ITGAE: variants seen among roughly 807,000 people sequenced by gnomAD.
ITGAE encodes the protein integrin alpha-E.
A neutral mutation model predicts 136.5 loss-of-function variants in ITGAE; 99 were observed. The ratio of observed to expected loss-of-function variants is 0.73; its 90% confidence interval spans 0.62 to 0.86. The LOEUF (loss-of-function observed/expected upper bound fraction) is 0.86, where lower values mean the gene tolerates loss of function less well. ITGAE is among the 40% of genes least tolerant of loss of function. The probability of loss-of-function intolerance (pLI) is 0.00; values close to 1 mark genes in which losing one functional copy is unlikely to be tolerated. For missense variants in ITGAE, 1,447 were observed against 1,515.3 expected, an observed-to-expected ratio of 0.95 and a Z score of 0.75; for synonymous variants, 613 against 591.8, an observed-to-expected ratio of 1.04 and a Z score of -0.52.
At chr17:3,786,667 G>A (rs1267050378) in intron 1 of ITGAE, among the ~76,000 whole-genome samples, 4 of 152,088 alleles carry the variant, frequency 2.6e-5, no homozygotes, top group African/African-American at 7.2e-5. Flanking sequence ...CAAGGCCAGC[G>A]GATCACGAGG....
intron 1 of ITGAE, among the ~76,000 whole-genome samples, chr17:3,783,165 G>A (rs963406650): frequency 6.6e-6 from 1 of 151,996 alleles, no homozygotes; most frequent in African/African-American, 2.4e-5. Context: ...TTTTGAGATG[G>A]AGTCTCACTC....
rs775990702 is a variant in ITGAE, at chr17:3,732,466, G to C, written c.2656C>G (p.Pro886Ala). The C allele has an allele frequency of 6.2e-7, 1 of 1,612,712 alleles. No homozygotes were observed. The highest frequency in any genetic ancestry group is 1.1e-5 in the South Asian group (1 of 91,056). ...TCACACTGAATGTTTGGAGAGGGAG[G>C]CTGTTAAAAGAGCAGATGACATTCT... ...RNLQLKRMQK[P>A]PSPNIQCDDP... Residue 886 changes from proline to alanine, a missense_variant and splice_region_variant, in exon 22 of 31, where the codon CCT becomes GCT. Transcript: ENST00000263087.
Position 3,799,402 on chromosome 17 carries a change from A to G in ITGAE, c.34+1709T>C, listed in dbSNP as rs2053196386. ...CTCTCTGCTGCCCATCAGCTTGGGA[A>G]GGGCCTAGGCCTCAAAAGAGGTTTG... On this transcript the variant is annotated intron_variant, in intron 1 of 30. Transcript: ENST00000263087. The surrounding 1 kb of genome is among the most constrained non-coding windows in gnomAD (Gnocchi z 4.1). 1.3e-5 allele frequency among the ~76,000 whole-genome samples: 2 copies of G among 152,126 alleles called. No individual in the cohort carries two copies. The highest frequency in any genetic ancestry group is 1.3e-4 in the Admixed American group (2 of 15,258).
chr17:3,790,526 ACAC>A (rs1567561007), intron 1 of ITGAE, among the ~76,000 whole-genome samples: 14 of 151,552 alleles, frequency 9.2e-5, no homozygotes, highest in African/African-American at 2.7e-4. Context: ...ACACACACAC[ACAC>A]ACAAAAGAAA....
Position 3,761,486 on chromosome 17 carries a change from C to G in ITGAE, c.350G>C (p.Ser117Thr), listed in dbSNP as rs975168366. The G allele has an allele frequency of 1.2e-6, 2 of 1,613,864 alleles. No individual in the cohort carries two copies. Among genetic ancestry groups the G allele is most frequent in the Non-Finnish European group, 1.7e-6 (2 of 1,179,988 alleles). ...GGTGCCTGTGAGTTCTGAGCTGAGG[C>G]TGTGAGGCCGCCGGACCAGCACTTG... ...CIQVLVRRPH[S>T]LSSELTGTCS... is the part of the protein sequence containing the mutation. The change falls in exon 5 of 31, where the codon AGC (serine) becomes ACC (threonine). Residue 117 changes from serine (S) to threonine (T), a missense_variant. By Grantham distance (58) the Ser-to-Thr change is moderately conservative (BLOSUM62 1). Around this residue, in one of 3 missense-constraint regions of ITGAE, gnomAD observed 310 missense variants for 416.1 expected, o/e 0.74. Coordinates refer to ENST00000263087, the MANE Select transcript of ITGAE (RefSeq NM_002208.5).
At chr17:3,763,173 G>A (rs1437845780) in intron 3 of ITGAE, among the ~76,000 whole-genome samples, 4 of 152,292 alleles carry the variant, frequency 2.6e-5, no homozygotes, top group South Asian at 2.1e-4. Context: ...GATTACAGGC[G>A]TGAGCCACGG....
chr17:3,779,640 T>C (rs2052618960), intron 1 of ITGAE, among the ~76,000 whole-genome samples: 1 of 152,178 alleles, frequency 6.6e-6, no homozygotes, highest in Non-Finnish European at 1.5e-5. Flanking sequence ...GCAATTTACT[T>C]TAAAATGCAT....
intron 1 of ITGAE, among the ~76,000 whole-genome samples, chr17:3,782,330 T>G (rs2052685507): frequency 7.1e-6 from 1 of 140,480 alleles, no homozygotes; most frequent in South Asian, 2.4e-4. Flanking sequence ...ACTCCATTGC[T>G]TAAATCTCTA....
intron 1 of ITGAE, among the ~76,000 whole-genome samples, chr17:3,785,683 G>T (rs2052776061): frequency 6.6e-6 from 1 of 151,716 alleles, no homozygotes; most frequent in African/African-American, 2.4e-5. Context: ...ATAAAGATAT[G>T]AACACGTATC....
intron 26 of ITGAE, chr17:3,724,005 C>T (rs1462735996): frequency 3.8e-6 from 6 of 1,593,840 alleles, no homozygotes; most frequent in East Asian, 2.3e-5. Flanking sequence ...CGGCAGGAGA[C>T]AGCGGCGGCC....
rs2051936860 is a variant in ITGAE, at chr17:3,753,931, G to A, written c.1385-6C>T. The A allele has an allele frequency of 6.2e-7, 1 of 1,613,534 alleles. No individual in the cohort carries two copies. The highest frequency in any genetic ancestry group is 1.1e-5 in the South Asian group (1 of 91,074). ...CAGCACGGCCACAGCGTAACCTGGG[G>A]CAAGGGTGGTGTGGCTGTGAACACA... On this transcript the variant is annotated splice_region_variant and splice_polypyrimidine_tract_variant and intron_variant, in intron 12 of 30. Coordinates refer to ENST00000263087, the MANE Select transcript of ITGAE (RefSeq NM_002208.5).
At chr17:3,785,549 A>AGGAAGGAAGGAC (rs1567557277) in intron 1 of ITGAE, among the ~76,000 whole-genome samples, 33 of 149,520 alleles carry the variant, frequency 2.2e-4, no homozygotes, top group South Asian at 1.3e-3. Context: ...GAAGGAAGGA[A>AGGAAGGAAGGAC]GGAAGGAAAA....
chr17:3,800,155 A>C (rs896454169), intron 1 of ITGAE, among the ~76,000 whole-genome samples: 1 of 152,186 alleles, frequency 6.6e-6, no homozygotes, highest in African/African-American at 2.4e-5. Flanking sequence ...TAAAATATTA[A>C]AATCTGTCCA....
intron 1 of ITGAE, among the ~76,000 whole-genome samples, chr17:3,790,684 A>AAC (rs2052916461): frequency 6.6e-6 from 1 of 152,140 alleles, no homozygotes; most frequent in Non-Finnish European, 1.5e-5. Flanking sequence ...AGAGGAAGCA[A>AAC]ACACACAAAT....
At chr17:3,732,618 T>C (rs2051371291) in intron 21 of ITGAE, 152 bp from the exon 22 acceptor site, 1 of 662,632 alleles carries the variant, frequency 1.5e-6, no homozygotes, top group South Asian at 1.8e-5. Context: ...ACTTGGTCCC[T>C]GTCTTCCTCA....
chr17:3,764,358 TGAGAA>T (rs1052492997), intron 2 of ITGAE, among the ~76,000 whole-genome samples: 40 of 152,332 alleles, frequency 2.6e-4, no homozygotes, highest in South Asian at 6.2e-4. Flanking sequence ...CCTTAGTTCC[TGAGAA>T]GAGTACGCTG....
intron 1 of ITGAE, among the ~76,000 whole-genome samples, chr17:3,796,879 A>T (rs1186379793): frequency 3.9e-5 from 6 of 152,150 alleles, no homozygotes; most frequent in African/African-American, 1.4e-4. Flanking sequence ...CCACACTGAT[A>T]CCAGGAGCTG....
chr17:3,731,014 A>C, intron 23 of ITGAE, 90 bp downstream of exon 23: 1 of 1,037,846 alleles, frequency 9.6e-7, no homozygotes, highest in Non-Finnish European at 1.5e-6. Context: ...CTGGGCTGTA[A>C]GGGGGCCGTT....
rs750481227 is a variant in ITGAE, at chr17:3,743,593, T to C, written c.2344A>G (p.Asn782Asp). ...TGGTAGCTGACTTTGACACTGGCAT[T>C]GGAGAAGCAGTCCTCCTCACAGAGC... ...GELCEEDCFS[N>D]ASVKVSYQLQ... Residue 782 changes from asparagine (N) to aspartate (D), a missense_variant, in exon 19 of 31, where the codon AAT becomes GAT. Asn to Asp is a conservative substitution (Grantham distance 23). Coordinates refer to ENST00000263087, the MANE Select transcript of ITGAE (RefSeq NM_002208.5). 1.2e-6 allele frequency: 2 copies of C among 1,613,168 alleles called. No individual in the cohort carries two copies. Among genetic ancestry groups the C allele is most frequent in the African/African-American group, 2.7e-5 (2 of 74,778 alleles).
Sources: allele counts gnomAD v4.1 joint callset (sites outside exome capture counted in the v4.1 genomes callset), GRCh38; gene constraint gnomAD v4.1.1; regional missense constraint gnomAD v4.1.1; non-coding constraint Gnocchi (gnomAD v3.1); transcripts MANE v1.5; gene names NCBI Gene and HGNC (gene_info 2026-07-23, HGNC 2026-07-21).